Variants in SLCO2B1 observed in about 807,000 individuals in gnomAD.
SLCO2B1 encodes OATP-RP2.
Under a neutral mutation model 67.3 loss-of-function variants are expected in SLCO2B1, and 41 were observed. The observed-to-expected ratio is 0.61, with a 90% confidence interval of 0.47 to 0.79. The LOEUF (loss-of-function observed/expected upper bound fraction) is 0.79, where lower values mean the gene tolerates loss of function less well. SLCO2B1 is among the 30% of genes least tolerant of loss of function. The pLI is 0.00. For missense variants in SLCO2B1, 837 were observed against 920.1 expected (o/e 0.91, Z 1.17); for synonymous variants, 379 against 381.4 (o/e 0.99, Z 0.07).
intron 1 of SLCO2B1, among the ~76,000 whole-genome samples, chr11:75,155,619 G>A (rs747410214): frequency 8.5e-5 from 13 of 152,056 alleles, no homozygotes; most frequent in Admixed American, 5.2e-4. Context: ...CACCATGCCC[G>A]GCTAATTTTG....
chr11:75,151,791 G>A (rs1016923093), intron 1 of SLCO2B1: 3 of 224,236 alleles, frequency 1.3e-5, no homozygotes, highest in African/African-American at 2.3e-5. Context: ...AGGCTCAAAC[G>A]AAGAGGCACA....
intron 7 of SLCO2B1, among the ~76,000 whole-genome samples, chr11:75,176,772 C>G (rs1395491097): frequency 6.6e-6 from 1 of 152,214 alleles, no homozygotes; most frequent in Non-Finnish European, 1.5e-5. Flanking sequence ...TTCCCTGGGA[C>G]TTTGTGTCTC....
At chr11:75,159,786 C>T in intron 1 of SLCO2B1, 3 of 951,686 alleles carry the variant, frequency 3.2e-6, no homozygotes, top group Non-Finnish European at 3.8e-6. Flanking sequence ...CCACAAACAG[C>T]CATATCTCTA....
chr11:75,160,567 A>G (rs1718330424), intron 1 of SLCO2B1, among the ~76,000 whole-genome samples: 1 of 152,074 alleles, frequency 6.6e-6, no homozygotes, highest in Non-Finnish European at 1.5e-5. Context: ...TTTGCTTTGA[A>G]CTGCCTTATT....
chr11:75,157,286 A>G (rs1404967519), intron 1 of SLCO2B1, among the ~76,000 whole-genome samples: 1 of 152,262 alleles, frequency 6.6e-6, no homozygotes, highest in Non-Finnish European at 1.5e-5. Flanking sequence ...AATATTGCTA[A>G]TGAAGACAGT....
intron 1 of SLCO2B1, among the ~76,000 whole-genome samples, chr11:75,157,689 C>T (rs1037387824): frequency 3.9e-5 from 6 of 152,146 alleles, no homozygotes; most frequent in African/African-American, 1.2e-4. Context: ...TCTTTGAGGT[C>T]GTATAGAGGA....
chr11:75,165,702 G>A, intron 3 of SLCO2B1, 85 bp from the exon 4 acceptor site: 1 of 1,390,732 alleles, frequency 7.2e-7, no homozygotes, highest in Non-Finnish European at 1.0e-6. Context: ...TGGGCATACG[G>A]AAGTTAGACA....
In SLCO2B1 at chr11:75,179,025, CTT is replaced by C. The variant is rs1024569689; in HGVS notation, c.972+6458_972+6459del. 3.3e-5 allele frequency among the ~76,000 whole-genome samples: 5 copies of C among 152,102 alleles called. No individual in the cohort carries two copies. In the South Asian group the frequency reaches 6.2e-4, roughly 19 times the overall value. On this transcript the variant is annotated intron_variant, in intron 7 of 13. Coordinates refer to ENST00000289575, the MANE Select transcript of SLCO2B1 (RefSeq NM_007256.5). ...TTATCCATTCATCCATTGATGGACT[CTT>C]TGGTTGAATCCGTATCTTGGCTACT... is the stretch of plus-strand genomic sequence containing the variant.
At chr11:75,167,652 T>C (rs1438663405) in intron 4 of SLCO2B1, among the ~76,000 whole-genome samples, 1 of 152,094 alleles carries the variant, frequency 6.6e-6, no homozygotes, top group Non-Finnish European at 1.5e-5. Context: ...TCTCTAATAA[T>C]TGTTGCATCT....
intron 10 of SLCO2B1, among the ~76,000 whole-genome samples, chr11:75,197,222 T>A (rs1314127038): frequency 6.6e-6 from 1 of 152,168 alleles, no homozygotes; most frequent in Non-Finnish European, 1.5e-5. Context: ...AGGAAAGAAC[T>A]CACAGGAATT....
intron 1 of SLCO2B1, among the ~76,000 whole-genome samples, chr11:75,161,839 A>G (rs11236361): frequency 0.27 from 40,573 of 151,900 alleles, 6,245 homozygotes; most frequent in Admixed American, 0.39. Flanking sequence ...GACCCTGGGA[A>G]ATGCCTCTGA....
At chr11:75,197,785 C>T (rs372062150) in intron 10 of SLCO2B1, among the ~76,000 whole-genome samples, 5 of 152,208 alleles carry the variant, frequency 3.3e-5, no homozygotes, top group African/African-American at 1.2e-4. Context: ...GCTGAGGACT[C>T]AGAGCCAAGG....
chr11:75,165,301 G>A (rs868102727), intron 3 of SLCO2B1, among the ~76,000 whole-genome samples: 5 of 152,018 alleles, frequency 3.3e-5, no homozygotes, highest in East Asian at 1.9e-4. Flanking sequence ...GCATGGTGGC[G>A]CATGCCTGTA....
chr11:75,169,117 A>T, intron 4 of SLCO2B1, 56 bp from the exon 5 acceptor site: 1 of 1,347,178 alleles, frequency 7.4e-7, no homozygotes, highest in Non-Finnish European at 1.0e-6. Flanking sequence ...CCCCCGGGGT[A>T]AGCGCTATTT....
intron 2 of SLCO2B1, chr11:75,163,008 G>A (rs754233785): frequency 3.8e-5 from 18 of 474,986 alleles, no homozygotes; most frequent in Middle Eastern, 5.9e-4. Context: ...GAGGAAAGGG[G>A]TGTTCTTGGA....
chr11:75,177,042 C>A (rs915576974), intron 7 of SLCO2B1, among the ~76,000 whole-genome samples: 1 of 152,148 alleles, frequency 6.6e-6, no homozygotes, highest in Non-Finnish European at 1.5e-5. Context: ...TTAACATCGA[C>A]GAGGCTTGAG....
intron 10 of SLCO2B1, chr11:75,199,665 C>G (rs1945153056): frequency 6.6e-6 from 1 of 152,558 alleles, no homozygotes; most frequent in African/African-American, 2.4e-5. Context: ...TGTCTCCCAT[C>G]TGAGGCCCTG....
At chr11:75,187,499 C>CA (rs1301046905) in intron 7 of SLCO2B1, among the ~76,000 whole-genome samples, 3 of 152,048 alleles carry the variant, frequency 2.0e-5, no homozygotes, top group Non-Finnish European at 4.4e-5. Context: ...TTTTGGGTAA[C>CA]ATTGGTGGTG....
At chr11:75,167,824 T>C (rs1211668765) in intron 4 of SLCO2B1, among the ~76,000 whole-genome samples, 1 of 151,956 alleles carries the variant, frequency 6.6e-6, no homozygotes, top group African/African-American at 2.4e-5. Context: ...AGCCCTGCCT[T>C]AGCTGCTGTT....
Sources: gnomAD v4.1 joint callset for allele counts (sites outside exome capture counted in the v4.1 genomes callset) on GRCh38, gnomAD v4.1.1 for gene constraint, MANE v1.5 for transcripts, NCBI Gene and HGNC (gene_info 2026-07-23, HGNC 2026-07-21) for gene names.